Variants in MMP26 observed in about 807,000 individuals in gnomAD.
MMP26 encodes matrix metalloproteinase-26.
Under a neutral mutation model 31.0 loss-of-function variants are expected in MMP26, and 33 were observed. The observed-to-expected ratio is 1.06, with a 90% confidence interval of 0.81 to 1.42. The LOEUF is 1.42. Among genes scored for constraint, MMP26 ranks in the 40% most tolerant of loss-of-function variants. MMP26 has a pLI of 0.00. For synonymous variants in MMP26, 122 were observed against 114.9 expected (o/e 1.06, Z -0.40); for missense variants, 347 against 316.1 (o/e 1.10, Z -0.74).
intron 1 of MMP26, among the ~76,000 whole-genome samples, chr11:4,754,447 TA>T (rs1161029493): frequency 2.6e-5 from 4 of 152,030 alleles, no homozygotes; most frequent in African/African-American, 9.7e-5. Context: ...TACTGAAACT[TA>T]TTTTTTTGCA....
At position 4,767,309 on chromosome 11, in the gene MMP26, G is replaced by T. The variant is rs1718087395; in HGVS notation, c.-177G>T. 6.6e-6 allele frequency: 1 copy of T among 151,854 alleles called. No homozygotes were observed. The highest frequency in any genetic ancestry group is 1.5e-5 in the Non-Finnish European group (1 of 67,958). 9.4% of individuals were successfully genotyped at this position (151,854 alleles called of 1,614,324 possible). A position where few individuals can be genotyped will look rare whatever the true frequency, so the allele number is the denominator to read the frequency against. Reference sequence around the variant, plus strand: ...TCGTCCTATCCAGCATGCACTTTTGGATACTCTTTCAACTCAGAAGTCAAC... The same window carrying T: ...TCGTCCTATCCAGCATGCACTTTTGTATACTCTTTCAACTCAGAAGTCAAC... On this transcript the variant is annotated 5_prime_UTR_variant, in exon 2 of 8. Transcript: ENST00000380390.
intron 2 of MMP26, among the ~76,000 whole-genome samples, chr11:4,817,622 T>G (rs2133467906): frequency 6.6e-6 from 1 of 152,186 alleles, no homozygotes; most frequent in South Asian, 2.1e-4. Context: ...TCTACAAAAC[T>G]TTTTCATATT....
At chr11:4,819,207 T>C (rs1849460055) in intron 2 of MMP26, among the ~76,000 whole-genome samples, 1 of 152,208 alleles carries the variant, frequency 6.6e-6, no homozygotes, top group Non-Finnish European at 1.5e-5. Context: ...AATAAAGTTT[T>C]ATCTTCAGAC....
At chr11:4,736,149 T>C (rs970183914) in intron 1 of MMP26, 2 of 152,188 alleles carry the variant, frequency 1.3e-5, no homozygotes, top group Non-Finnish European at 2.9e-5. Flanking sequence ...TCAGAAGTAT[T>C]AGAGTCACAA....
chr11:4,919,331 G>A (rs1564807105), intron 2 of MMP26: 1 of 152,154 alleles, frequency 6.6e-6, no homozygotes, highest in Non-Finnish European at 1.5e-5. Flanking sequence ...CGCATACCAA[G>A]GCTAAAAATA....
At chr11:4,848,498 G>A (rs866084482) in intron 2 of MMP26, 1 of 1,613,670 alleles carries the variant, frequency 6.2e-7, no homozygotes, top group Non-Finnish European at 8.5e-7. Context: ...GATCCTCTCT[G>A]GACTCCACAC....
intron 2 of MMP26, among the ~76,000 whole-genome samples, chr11:4,783,104 G>A (rs1252637629): frequency 6.6e-6 from 1 of 152,176 alleles, no homozygotes; most frequent in African/African-American, 2.4e-5. Context: ...ATGAGAAGAG[G>A]GACACGATCC....
chr11:4,902,827 G>A (rs1022868970), intron 2 of MMP26, among the ~76,000 whole-genome samples: 3 of 152,006 alleles, frequency 2.0e-5, no homozygotes, highest in Admixed American at 6.6e-5. Flanking sequence ...CAATGAGTGG[G>A]CTTATCCCTG....
intron 2 of MMP26, chr11:4,769,777 G>C (rs1341380796): frequency 6.2e-7 from 1 of 1,613,738 alleles, no homozygotes; most frequent in East Asian, 2.2e-5. Context: ...TGACAAACAG[G>C]ATCACGCTGT....
chr11:4,945,746 A>T (rs1011970377), intron 2 of MMP26: 59 of 231,426 alleles, frequency 2.5e-4, no homozygotes, highest in African/African-American at 1.3e-3. Context: ...AAATGATTAA[A>T]TTAAAAAAAT....
chr11:4,713,604 A>G (rs1166623974), intron 1 of MMP26, among the ~76,000 whole-genome samples: 1 of 152,172 alleles, frequency 6.6e-6, no homozygotes. Flanking sequence ...CTGTATTACC[A>G]GTACAAAGTC....
chr11:4,729,476 T>C (rs965848391), intron 1 of MMP26, among the ~76,000 whole-genome samples: 3 of 152,100 alleles, frequency 2.0e-5, no homozygotes, highest in Admixed American at 6.6e-5. Flanking sequence ...AGGAAGAAAC[T>C]TCTTAACTCC....
At chr11:4,933,517 TA>T (rs1564809826) in intron 2 of MMP26, among the ~76,000 whole-genome samples, 1 of 142,642 alleles carries the variant, frequency 7.0e-6, no homozygotes, top group African/African-American at 2.7e-5. Context: ...ATTACCCTGT[TA>T]TTTTTTTTGT....
At chr11:4,797,363 G>C (rs4265594) in intron 2 of MMP26, among the ~76,000 whole-genome samples, 148,575 of 152,294 alleles carry the variant, frequency 0.98, 72,678 homozygotes, top group African/African-American at 1. Flanking sequence ...GGCCCACAGC[G>C]TATGTTACCA....
chr11:4,898,583 G>A lies in MMP26; in HGVS notation c.-144-89485G>A, dbSNP rs79279182. Among the ~76,000 whole-genome samples the A allele has an allele frequency of 4.7e-3, 717 of 152,012 alleles. 6 individuals carry two copies. The highest frequency in any genetic ancestry group is 0.016 in the African/African-American group (657 of 41,440). Reference sequence around the variant, plus strand: ...ATTAATGTATTTAATATCTTTCCACGTTCTAATGAGGAATGTTGAATCTCT... The same window carrying A: ...ATTAATGTATTTAATATCTTTCCACATTCTAATGAGGAATGTTGAATCTCT... On this transcript the variant is annotated intron_variant, in intron 2 of 7. Coordinates refer to ENST00000380390, the MANE Select transcript of MMP26 (RefSeq NM_021801.5).
intron 2 of MMP26, among the ~76,000 whole-genome samples, chr11:4,783,615 T>C (rs1848895313): frequency 6.6e-6 from 1 of 151,828 alleles, no homozygotes; most frequent in Non-Finnish European, 1.5e-5. Context: ...AGAAGTGAGA[T>C]TTAGGAGGGG....
chr11:4,774,703 G>C (rs759989623), intron 2 of MMP26, among the ~76,000 whole-genome samples: 7 of 151,970 alleles, frequency 4.6e-5, no homozygotes, highest in Non-Finnish European at 1.0e-4. Flanking sequence ...ATCTTTTCCT[G>C]TGCCTATGTC....
At chr11:4,822,822 A>G (rs1849529000) in intron 2 of MMP26, among the ~76,000 whole-genome samples, 1 of 152,194 alleles carries the variant, frequency 6.6e-6, no homozygotes, top group African/African-American at 2.4e-5. Flanking sequence ...TAAAATACAC[A>G]TCAATGTAAT....
chr11:4,798,113 C>A (rs909320217), intron 2 of MMP26, among the ~76,000 whole-genome samples: 1 of 152,324 alleles, frequency 6.6e-6, no homozygotes, highest in Admixed American at 6.5e-5. Context: ...AATTTCAAAT[C>A]TCTTTTACGA....
Sources: gnomAD v4.1 joint callset for allele counts (sites outside exome capture counted in the v4.1 genomes callset) on GRCh38, gnomAD v4.1.1 for gene constraint, MANE v1.5 for transcripts, NCBI Gene and HGNC (gene_info 2026-07-23, HGNC 2026-07-21) for gene names.